PRH1: variants seen among roughly 807,000 people sequenced by gnomAD.
The protein encoded by PRH1 is proline rich protein HaeIII subfamily 1, also known as salivary acidic proline-rich phosphoprotein 1/2.
PRH1 carries 7 observed loss-of-function variants against 7.9 expected under a neutral mutation model. The observed-to-expected ratio is 0.89, with a 90% confidence interval of 0.50 to 1.67. The LOEUF is 1.67. PRH1 is among the 40% of genes most tolerant of loss of function. PRH1 has a pLI of 0.00. For synonymous variants in PRH1, 45 were observed against 80.8 expected (o/e 0.56, Z 2.38); for missense variants, 109 against 223.6 (o/e 0.49, Z 3.27).
In PRH1 at chr12:10,938,418, G is replaced by C. The variant is rs758966426; in HGVS notation, c.-59+35237C>G. 184 of 1,613,890 alleles carry C rather than the reference G, an allele frequency of 1.1e-4. No homozygotes were observed. Among genetic ancestry groups the C allele is most frequent in the Non-Finnish European group, 1.5e-4 (180 of 1,179,958 alleles). The stretch of plus-strand genomic sequence containing the variant: ...TAAGCCATTCCCATCACCTGGGAAA[G>C]AATAATTAGATTTTCCTCCAACCTT... On this transcript the variant is annotated intron_variant, in intron 2 of 3. Transcript: ENST00000539853.
chr12:10,909,257 A>T (rs1949858973), intron 2 of PRH1: 1 of 1,613,352 alleles, frequency 6.2e-7, no homozygotes, highest in Non-Finnish European at 8.5e-7. Flanking sequence ...TGAATTCTGC[A>T]ATTATTACAA....
chr12:10,984,367 T>C (rs971371451), intron 1 of PRH1, among the ~76,000 whole-genome samples: 6 of 152,210 alleles, frequency 3.9e-5, no homozygotes, highest in African/African-American at 1.4e-4. Context: ...AAATACTTCT[T>C]CTTAGATAAT....
rs982895129 is a variant in PRH1 at position 11,085,055 on chromosome 12, C to T, written n.124-37867G>A. On this transcript the variant is annotated intron_variant and non_coding_transcript_variant, in intron 1 of 4. Transcript: ENST00000541977. ...CAGGATGGTCTTGATGTCCTGACCT[C>T]GTGATCCACCCACCTTGGCCTCCCG... is the stretch of plus-strand genomic sequence containing the variant. Among the ~76,000 whole-genome samples, 4 of 114,176 alleles carry T rather than the reference C, an allele frequency of 3.5e-5. 2 individuals carry two copies. The highest frequency in any genetic ancestry group is 8.2e-5 in the Non-Finnish European group (4 of 48,628). The allele number at this position is 114,176 out of a possible 152,430, so 74.9% of individuals were successfully genotyped here. A position where few individuals can be genotyped will look rare whatever the true frequency, so the allele number is the denominator to read the frequency against.
At chr12:10,962,141 T>C (rs1353186830) in intron 2 of PRH1, among the ~76,000 whole-genome samples, 1 of 152,230 alleles carries the variant, frequency 6.6e-6, no homozygotes, top group Non-Finnish European at 1.5e-5. Context: ...AAGATATTCA[T>C]TCAGTGGTAT....
intron 1 of PRH1, among the ~76,000 whole-genome samples, chr12:11,121,531 A>G (rs1945903659): frequency 6.6e-6 from 1 of 152,236 alleles, no homozygotes; most frequent in East Asian, 1.9e-4. Context: ...CTTTAATTAA[A>G]AAGTGGAAGA....
intron 2 of PRH1, among the ~76,000 whole-genome samples, chr12:10,939,569 T>G (rs1241708354): frequency 5.3e-5 from 7 of 131,866 alleles, no homozygotes; most frequent in East Asian, 2.1e-4. Flanking sequence ...TTTTTTTTTT[T>G]GTCTTATCTA....
chr12:11,141,163 T>C (rs1269043196), intron 1 of PRH1, among the ~76,000 whole-genome samples: 3 of 152,322 alleles, frequency 2.0e-5, no homozygotes, highest in African/African-American at 7.2e-5. Context: ...ATAGCCCTAT[T>C]TTCCCATTTG....
upstream of PRH1, among the ~76,000 whole-genome samples, chr12:11,048,091 A>G (rs1304175249): frequency 2.6e-5 from 4 of 152,090 alleles, no homozygotes; most frequent in Non-Finnish European, 5.9e-5. Context: ...CGGCTTCATA[A>G]TTTGTGGTCA....
intron 1 of PRH1, among the ~76,000 whole-genome samples, chr12:11,053,189 T>C (rs1382209065): frequency 6.6e-6 from 1 of 152,260 alleles, no homozygotes; most frequent in East Asian, 1.9e-4. Context: ...TAAAATATAG[T>C]TCATTAACCA....
intron 1 of PRH1, among the ~76,000 whole-genome samples, chr12:11,130,238 G>C (rs979488041): frequency 6.7e-6 from 1 of 149,064 alleles, no homozygotes; most frequent in African/African-American, 2.5e-5. Context: ...ATAACATTGA[G>C]CAGAAGTAAA....
chr12:11,100,190 C>G (rs1945193985), intron 1 of PRH1, among the ~76,000 whole-genome samples: 1 of 152,006 alleles, frequency 6.6e-6, no homozygotes, highest in South Asian at 2.1e-4. Flanking sequence ...ATGGGAAATA[C>G]CGGAATGCAT....
intron 1 of PRH1, among the ~76,000 whole-genome samples, chr12:11,110,895 A>G (rs1488764353): frequency 6.6e-6 from 1 of 152,238 alleles, no homozygotes; most frequent in African/African-American, 2.4e-5. Context: ...GTTGTGCTGT[A>G]TTCAGGAAAC....
At chr12:10,954,623 A>T (rs969754176) in intron 2 of PRH1, among the ~76,000 whole-genome samples, 1 of 152,238 alleles carries the variant, frequency 6.6e-6, no homozygotes, top group Admixed American at 6.5e-5. Flanking sequence ...GTGCACCACC[A>T]TGACTGGCTA....
intron 1 of PRH1, 66 bp from the exon 2 acceptor site, chr12:10,883,162 T>C: frequency 6.4e-7 from 1 of 1,559,298 alleles, no homozygotes; most frequent in Non-Finnish European, 8.8e-7. Context: ...CATAGTGTTC[T>C]ACGAGGATAA....
upstream of PRH1, among the ~76,000 whole-genome samples, chr12:11,051,735 C>G (rs1943154177): frequency 1.3e-5 from 2 of 152,220 alleles, no homozygotes; most frequent in Admixed American, 1.3e-4. Context: ...TGTATAGATA[C>G]AATCCTATAT....
chr12:11,155,936 T>C (rs1023579370), intron 1 of PRH1, among the ~76,000 whole-genome samples: 2 of 152,194 alleles, frequency 1.3e-5, no homozygotes, highest in African/African-American at 4.8e-5. Context: ...CTAAATTTAA[T>C]CTTTTCACCT....
chr12:10,986,254 A>G, intron 1 of PRH1: 1 of 1,614,122 alleles, frequency 6.2e-7, no homozygotes. Flanking sequence ...AGATGTTTAC[A>G]CAGAGAACAG....
At chr12:10,982,021 T>C (rs1337372794) in intron 1 of PRH1, among the ~76,000 whole-genome samples, 1 of 152,130 alleles carries the variant, frequency 6.6e-6, no homozygotes, top group Non-Finnish European at 1.5e-5. Context: ...GAAGATCAGA[T>C]GGTACATAGA....
intron 1 of PRH1, among the ~76,000 whole-genome samples, chr12:11,101,868 G>A (rs559393183): frequency 2.6e-5 from 4 of 152,008 alleles, no homozygotes; most frequent in Non-Finnish European, 4.4e-5. Flanking sequence ...AAATCAATGT[G>A]CAAAAATCAC....
Sources: gnomAD v4.1 joint callset for allele counts (sites outside exome capture counted in the v4.1 genomes callset) on GRCh38, gnomAD v4.1.1 for gene constraint, MANE v1.5 for transcripts, NCBI Gene and HGNC (gene_info 2026-07-23, HGNC 2026-07-21) for gene names.